Variants in ARIH1 observed in about 807,000 individuals in gnomAD.
The protein encoded by ARIH1 is E3 ubiquitin-protein ligase ARIH1.
In ARIH1, 8 loss-of-function variants were observed where a neutral mutation model predicts 85.0. The ratio of observed to expected loss-of-function variants is 0.09; its 90% CI spans 0.06 to 0.17. ARIH1 has a LOEUF of 0.17. Among genes scored for constraint, ARIH1 ranks in the 10% least tolerant of loss-of-function variants. ARIH1 has a pLI of 1.00. For synonymous variants in ARIH1, 238 were observed against 253.6 expected (o/e 0.94, Z 0.59); for missense variants, 311 against 718.1 (o/e 0.43, Z 6.48).
chr15:72,507,034 A>T (rs1434979454), intron 1 of ARIH1, among the ~76,000 whole-genome samples: 2 of 151,524 alleles, frequency 1.3e-5, no homozygotes, highest in Non-Finnish European at 2.9e-5. Flanking sequence ...TTATTTATTT[A>T]TTTTTTGAAA....
intron 1 of ARIH1, among the ~76,000 whole-genome samples, chr15:72,498,324 T>A (rs1046396429): frequency 2.0e-5 from 3 of 152,240 alleles, no homozygotes; most frequent in Non-Finnish European, 4.4e-5. Context: ...AAGTTGCTAT[T>A]TTTTCCTTTA....
chr15:72,549,529 G>A (rs1186050689), intron 3 of ARIH1, among the ~76,000 whole-genome samples: 1 of 152,142 alleles, frequency 6.6e-6, no homozygotes, highest in Non-Finnish European at 1.5e-5. Flanking sequence ...TGGAATCTTG[G>A]TGCTGCTGGA....
At chr15:72,558,248 T>C (rs1701803348) in intron 5 of ARIH1, among the ~76,000 whole-genome samples, 1 of 152,188 alleles carries the variant, frequency 6.6e-6, no homozygotes, top group South Asian at 2.1e-4. Flanking sequence ...CATGAAGAGA[T>C]GTTGGACTTT....
At chr15:72,547,781 C>G (rs991092214) in intron 3 of ARIH1, among the ~76,000 whole-genome samples, 15 of 152,162 alleles carry the variant, frequency 9.9e-5, no homozygotes, top group African/African-American at 3.6e-4. Flanking sequence ...CCAGGTTTTA[C>G]AAGGTTTCCT....
In ARIH1 at chr15:72,586,134, G is replaced by T. The variant is rs1484827217; in HGVS notation, c.*2842G>T. On this transcript the variant is annotated 3_prime_UTR_variant, in exon 14 of 14. Transcript: ENST00000379887. ...ATTATCTGTAATTTTCCACAACCCA[G>T]ATTGTATGTGTTTTATGTGTGTTTA... The T allele has an allele frequency of 2.0e-5, 3 of 152,144 alleles. No individual in the cohort carries two copies. The highest frequency in any genetic ancestry group is 2.9e-5 in the Non-Finnish European group (2 of 68,030). 9.4% of individuals were successfully genotyped at this position (152,144 alleles called of 1,614,324 possible). A position where few individuals can be genotyped will look rare whatever the true frequency, so the allele number is the denominator to read the frequency against.
rs562957982 is a variant in ARIH1, at chr15:72,585,838, A to T, written c.*2546A>T. ...CCCAGAGTGAATTGCTTGTGTTATT[A>T]GTAGATTCAGTGCCCCCAGCTGGGA... On this transcript the variant is annotated 3_prime_UTR_variant, in exon 14 of 14. Coordinates refer to ENST00000379887, the MANE Select transcript of ARIH1 (RefSeq NM_005744.5). The T allele has an allele frequency of 6.6e-6, 1 of 152,298 alleles. No individual in the cohort carries two copies. Among genetic ancestry groups the T allele is most frequent in the African/African-American group, 2.4e-5 (1 of 41,576 alleles). 9.4% of individuals were successfully genotyped at this position (152,298 alleles called of 1,614,324 possible).
At chr15:72,568,750 G>A (rs1006808690) in intron 9 of ARIH1, among the ~76,000 whole-genome samples, 1 of 152,128 alleles carries the variant, frequency 6.6e-6, no homozygotes, top group Non-Finnish European at 1.5e-5. Flanking sequence ...AAATTTGCTT[G>A]TTTGGAAAAA....
chr15:72,495,687 T>C (rs1017997857), intron 1 of ARIH1, among the ~76,000 whole-genome samples: 32 of 152,230 alleles, frequency 2.1e-4, no homozygotes, highest in African/African-American at 7.5e-4. Context: ...TGTTCTTTCA[T>C]GGCTGTAAGC....
intron 10 of ARIH1, among the ~76,000 whole-genome samples, chr15:72,571,816 G>A (rs1390279772): frequency 6.6e-6 from 1 of 152,174 alleles, no homozygotes; most frequent in African/African-American, 2.4e-5. Context: ...TAGGTGAGCT[G>A]ATTTGAAATG....
chr15:72,533,901 T>C (rs1286124395), intron 2 of ARIH1, among the ~76,000 whole-genome samples: 2 of 152,092 alleles, frequency 1.3e-5, no homozygotes, highest in African/African-American at 4.8e-5. Flanking sequence ...AGTGAGACCC[T>C]GTCTCAAAAA....
At chr15:72,476,051 A>G (rs936408229) in intron 1 of ARIH1, among the ~76,000 whole-genome samples, 3 of 152,226 alleles carry the variant, frequency 2.0e-5, no homozygotes. Context: ...GGAAACATAT[A>G]TGAGCAGCAA....
rs1274320648 is a variant in ARIH1, at chr15:72,524,810, G to A, written c.443+6676G>A. ...TTCCAAAATTTGACAGACAGTAGGA[G>A]AAAATGATACTTATAAATATAGCTG... On this transcript the variant is annotated intron_variant, in intron 2 of 13. Coordinates refer to ENST00000379887, the MANE Select transcript of ARIH1 (RefSeq NM_005744.5). 3.9e-5 allele frequency among the ~76,000 whole-genome samples: 6 copies of A among 152,210 alleles called. No homozygotes were observed. In the South Asian group the frequency reaches 8.3e-4, roughly 21 times the overall value.
intron 1 of ARIH1, among the ~76,000 whole-genome samples, chr15:72,486,959 T>C (rs941606731): frequency 6.6e-6 from 1 of 152,038 alleles, no homozygotes; most frequent in Non-Finnish European, 1.5e-5. Flanking sequence ...CCTCCCAAAG[T>C]GCTGAGATAC....
chr15:72,567,032 T>C, intron 8 of ARIH1, 74 bp from the exon 9 acceptor site: 2 of 1,097,640 alleles, frequency 1.8e-6, no homozygotes, highest in South Asian at 1.4e-5. Flanking sequence ...AGCTTGACTA[T>C]AGTTAAGTGC....
In ARIH1 at chr15:72,564,984, G is replaced by A. The variant is rs2140433513; in HGVS notation, c.911+1484G>A. On this transcript the variant is annotated intron_variant, in intron 7 of 13. Transcript: ENST00000379887. ...ACATTTATATCCTGCTAGAAGTTAA[G>A]ATGATTTTCTGTTCCTTTGAGGGTC... 1.3e-5 allele frequency among the ~76,000 whole-genome samples: 2 copies of A among 152,252 alleles called. 1 individual carries two copies. Among genetic ancestry groups the A allele is most frequent in the South Asian group, 4.1e-4 (2 of 4,826 alleles).
chr15:72,489,247 C>CA (rs3028452), intron 1 of ARIH1, among the ~76,000 whole-genome samples: 61,758 of 84,476 alleles, frequency 0.73, 23,432 homozygotes, highest in South Asian at 0.89. Flanking sequence ...GACCATGTCT[C>CA]AAAAAAAAAA....
chr15:72,531,215 A>G (rs2064055215), intron 2 of ARIH1, among the ~76,000 whole-genome samples: 1 of 152,198 alleles, frequency 6.6e-6, no homozygotes, highest in Non-Finnish European at 1.5e-5. Flanking sequence ...GCACGAAAGC[A>G]TTTTAGATTT....
intron 2 of ARIH1, among the ~76,000 whole-genome samples, chr15:72,541,446 C>G (rs1001453065): frequency 6.6e-6 from 1 of 151,890 alleles, no homozygotes; most frequent in African/African-American, 2.4e-5. Context: ...TTGTTCTTGG[C>G]TAGGAAGACA....
At chr15:72,551,363 A>G (rs1595867752) in intron 3 of ARIH1, among the ~76,000 whole-genome samples, 1 of 152,246 alleles carries the variant, frequency 6.6e-6, no homozygotes, top group East Asian at 1.9e-4. Context: ...ACAAGAGTAG[A>G]CAGAGCGGTG....
Sources: allele counts gnomAD v4.1 joint callset (sites outside exome capture counted in the v4.1 genomes callset), GRCh38; gene constraint gnomAD v4.1.1; transcripts MANE v1.5; gene names NCBI Gene and HGNC (gene_info 2026-07-23, HGNC 2026-07-21).